Variants in DNHD1 observed in about 807,000 individuals in gnomAD.
DNHD1 encodes dynein heavy chain domain-containing protein 1.
DNHD1 carries 383 observed loss-of-function variants against 458.1 expected under a neutral mutation model. The observed-to-expected ratio is 0.84, with a 90% CI of 0.77 to 0.91. The LOEUF is 0.91. Among genes scored for constraint, DNHD1 ranks in the 40% least tolerant of loss-of-function variants. The pLI is 0.00. For synonymous variants in DNHD1, 2,203 were observed against 2,376.9 expected, an observed-to-expected ratio of 0.93 and a Z score of 2.13; for missense variants, 5,336 against 5,866.1, an observed-to-expected ratio of 0.91 and a Z score of 2.95.
Position 6,498,308 on chromosome 11 carries a change from C to G in DNHD1, c.93C>G (p.Ser31Arg). 1 of 1,614,220 alleles carries G rather than the reference C, an allele frequency of 6.2e-7. No homozygotes were observed. Among genetic ancestry groups the G allele is most frequent in the Non-Finnish European group, 8.5e-7 (1 of 1,180,040 alleles). ...GGCACTCCATATGTGTCTTGGACAG[C>G]AAAGAACAGCCCTTGGCCTGCCAGC... Reference protein sequence around the residue: ...KSWHSICVLDSKEQPLACQQK... With the variant: ...KSWHSICVLDRKEQPLACQQK... The change falls in exon 3 of 43, where the codon AGC (serine) becomes AGG (arginine). Residue 31 changes from serine to arginine, a missense_variant. Physicochemically the swap from Ser to Arg is moderately radical, Grantham distance 110 (BLOSUM62 -1). This residue lies in a region of DNHD1 where 3,932 missense variants were observed against 4,365.6 expected (regional missense o/e 0.90). Transcript: ENST00000254579.
In DNHD1 at chr11:6,544,147, C is replaced by T; in HGVS notation, c.3655C>T (p.Gln1219Ter). Residue 1219 changes from glutamine to a stop codon, truncating the protein, a stop_gained, in exon 19 of 43, where the codon CAG becomes TAG. Transcript: ENST00000254579. LOFTEE classifies it high-confidence loss of function. Reference sequence around the variant, plus strand: ...TTACAGCAACCTGCAGGATTCCATCCAGGAAAGTCTTCAGGTGTTGTCCAA... The same window carrying T: ...TTACAGCAACCTGCAGGATTCCATCTAGGAAAGTCTTCAGGTGTTGTCCAA... ...SDYSNLQDSI[Q>*]ESLQVLSKIL... 2 of 1,551,554 alleles carry T rather than the reference C, an allele frequency of 1.3e-6. No homozygotes were observed. The highest frequency in any genetic ancestry group is 1.7e-6 in the Non-Finnish European group (2 of 1,146,944).
rs1564826969 is a variant in DNHD1, at chr11:6,571,980, G to A, written c.14256G>A (p.Leu4752=). 1.3e-6 allele frequency: 2 copies of A among 1,598,860 alleles called. No homozygotes were observed. The highest frequency in any genetic ancestry group is 1.7e-6 in the Non-Finnish European group (2 of 1,169,350). Residue 4752 remains leucine, a synonymous_variant, in exon 43 of 43, where the codon CTG becomes CTA. Coordinates refer to ENST00000254579, the MANE Select transcript of DNHD1 (RefSeq NM_144666.3). This position sits in a 1 kb window ranked among gnomAD's most constrained non-coding sequence, Gnocchi z 5.0. ...GGGTCCATGTGTGCAGCCCACCCCT[G>A]TCTTGAGCCCGTCTACCAAAATAAA... ...QRRVHVCSPP[L]S
At chr11:6,540,665 T>C (rs1476923987) in intron 18 of DNHD1, among the ~76,000 whole-genome samples, 2 of 152,190 alleles carry the variant, frequency 1.3e-5, no homozygotes, top group Non-Finnish European at 2.9e-5. Context: ...GAAGTCTTCT[T>C]TAGGCAGAGG....
intron 7 of DNHD1, among the ~76,000 whole-genome samples, 176 bp downstream of exon 7, chr11:6,511,605 A>G (rs1274933219): frequency 6.6e-6 from 1 of 152,230 alleles, no homozygotes; most frequent in Non-Finnish European, 1.5e-5. Flanking sequence ...GGATGAATCA[A>G]TAACAGGTGT....
intron 32 of DNHD1, 136 bp downstream of exon 32, chr11:6,564,940 T>C: frequency 1.4e-6 from 1 of 732,454 alleles, no homozygotes; most frequent in Non-Finnish European, 2.2e-6. Context: ...CAGCCTATAC[T>C]ATAGGAACAA....
At chr11:6,556,621 A>C in intron 24 of DNHD1, 62 bp from the exon 25 acceptor site, 1 of 1,428,828 alleles carries the variant, frequency 7.0e-7, no homozygotes, top group Non-Finnish European at 9.4e-7. Context: ...AATAGAGGGA[A>C]CAGGTTGATA....
intron 10 of DNHD1, among the ~76,000 whole-genome samples, chr11:6,524,642 C>A (rs1233279940): frequency 6.6e-6 from 1 of 152,138 alleles, no homozygotes; most frequent in Non-Finnish European, 1.5e-5. Flanking sequence ...TGTCATGGTG[C>A]AAAATAACTG....
Position 6,571,444 on chromosome 11 carries a change from G to A in DNHD1, c.13911+21G>A, listed in dbSNP as rs371077126. 1.3e-6 allele frequency: 2 copies of A among 1,553,016 alleles called. No individual in the cohort carries two copies. The highest frequency in any genetic ancestry group is 1.2e-5 in the South Asian group (1 of 82,674). The stretch of plus-strand genomic sequence containing the variant: ...TCAGGGTATCTTCGCGCCGCCCCTC[G>A]TTCGCGGTTCCAGTCCCCTCGAAGT... On this transcript the variant is annotated intron_variant, in intron 42 of 42. Coordinates refer to ENST00000254579, the MANE Select transcript of DNHD1 (RefSeq NM_144666.3). The surrounding 1 kb of genome is among the most constrained non-coding windows in gnomAD (Gnocchi z 5.0).
Position 6,547,359 on chromosome 11 carries a change from C to A in DNHD1, c.6420C>A (p.Gly2140=). 1 of 1,551,744 alleles carries A rather than the reference C, an allele frequency of 6.4e-7. No individual in the cohort carries two copies. Among genetic ancestry groups the A allele is most frequent in the Non-Finnish European group, 8.7e-7 (1 of 1,146,996 alleles). The change falls in exon 21 of 43, where the codon GGC becomes GGA. Residue 2140 remains glycine (G), a synonymous_variant. Transcript: ENST00000254579. ...CAGGCATATCCCCCACAGTGGTAGG[C>A]TGTTGTGCCCTAGTCTGGTGTGGTG... ...DTTGISPTVV[G]CCALVWCGGE... is the part of the protein sequence containing the mutation.
rs1240525580 is a variant in DNHD1, at chr11:6,548,239, G to C, written c.6935G>C (p.Arg2312Thr). ...TGGCCCATCTTTGATACCTTCATAA[G>C]GGATTCTATTAGTCGCCTCTCCAAC... ...RFWPIFDTFI[R>T]DSISRLSNYP... Residue 2312 changes from arginine to threonine, a missense_variant, in exon 23 of 43, where the codon AGG (arginine) becomes ACG (threonine). By Grantham distance (71) the Arg-to-Thr change is moderately conservative. This residue lies in a region of DNHD1 where 3,932 missense variants were observed against 4,365.6 expected (regional missense o/e 0.90). Coordinates refer to ENST00000254579, the MANE Select transcript of DNHD1 (RefSeq NM_144666.3). The surrounding 1 kb of genome is among the most constrained non-coding windows in gnomAD (Gnocchi z 4.4). The C allele has an allele frequency of 1.9e-6, 3 of 1,551,712 alleles. No individual in the cohort carries two copies. The Admixed American group carries it at 5.9e-5, about 30-fold the overall frequency.
At chr11:6,517,652 C>CTTTTTTTTTTTTTTTTTT (rs59300977) in intron 7 of DNHD1, among the ~76,000 whole-genome samples, 2 of 59,050 alleles carry the variant, frequency 3.4e-5, no homozygotes, top group African/African-American at 1.1e-4. Flanking sequence ...TCTAGGACTT[C>CTTTTTTTTTTTTTTTTTT]TTTTTTTTTT....
In DNHD1 at chr11:6,556,964, C is replaced by T. The variant is rs901692242; in HGVS notation, c.7669C>T (p.Arg2557Cys). 45 of 1,551,572 alleles carry T rather than the reference C, an allele frequency of 2.9e-5. No homozygotes were observed. Among genetic ancestry groups the T allele is most frequent in the African/African-American group, 1.1e-4 (8 of 73,048 alleles). The part of the protein sequence containing the change: ...LERFPSVERE[R>C]ALARGLVRAS... ...GCGTTTCCCTTCTGTGGAACGGGAG[C>T]GTGCTCTGGCACGAGGTCTGGTTAG... is the stretch of plus-strand genomic sequence containing the variant. Residue 2557 changes from arginine (R) to cysteine (C), a missense_variant, in exon 25 of 43, where the codon CGT becomes TGT. By Grantham distance (180) the Arg-to-Cys change is radical. This residue lies in a region of DNHD1 where 3,932 missense variants were observed against 4,365.6 expected (regional missense o/e 0.90). Transcript: ENST00000254579.
At chr11:6,561,621 A>G (rs1297778164) in intron 28 of DNHD1, among the ~76,000 whole-genome samples, 2 of 152,318 alleles carry the variant, frequency 1.3e-5, no homozygotes, top group Middle Eastern at 6.8e-3. Flanking sequence ...CTTTCTAGAG[A>G]AAGCAGAGTG....
chr11:6,519,892 G>A, intron 8 of DNHD1, 38 bp downstream of exon 8: 1 of 1,612,944 alleles, frequency 6.2e-7, no homozygotes, highest in Non-Finnish European at 8.5e-7. Context: ...GTGGCAGGCA[G>A]TCCAGGGCCA....
chr11:6,551,672 G>A (rs959005064), intron 24 of DNHD1, among the ~76,000 whole-genome samples: 15 of 152,318 alleles, frequency 9.8e-5, no homozygotes, highest in Middle Eastern at 3.4e-3. Context: ...GCCGGGCACT[G>A]TGGCTCACGC....
intron 4 of DNHD1, among the ~76,000 whole-genome samples, chr11:6,507,990 A>C (rs1852261295): frequency 6.6e-6 from 1 of 152,190 alleles, no homozygotes; most frequent in African/African-American, 2.4e-5. Flanking sequence ...GAGAGATGAG[A>C]GATAGAGGAG....
chr11:6,533,572 A>C (rs779211085), intron 13 of DNHD1, 109 bp from the exon 14 acceptor site: 78 of 1,364,046 alleles, frequency 5.7e-5, no homozygotes, highest in Non-Finnish European at 7.1e-5. Context: ...ACAAGGCTGC[A>C]ACTGGGTCTG....
rs1852216236 is a variant in DNHD1 at position 6,505,625 on chromosome 11, T to C, written c.920+2699T>C. On this transcript the variant is annotated intron_variant, in intron 4 of 42. Coordinates refer to ENST00000254579, the MANE Select transcript of DNHD1 (RefSeq NM_144666.3). The surrounding 1 kb of genome is among the most constrained non-coding windows in gnomAD (Gnocchi z 4.4). Reference sequence around the variant, plus strand: ...GAAATGCCTAGTATGGTTTCTGTTTTACTGACTGGACCCTGACTAACACGG... The same window carrying C: ...GAAATGCCTAGTATGGTTTCTGTTTCACTGACTGGACCCTGACTAACACGG... Among the ~76,000 whole-genome samples the C allele has an allele frequency of 6.6e-6, 1 of 152,224 alleles. No homozygotes were observed. The highest frequency in any genetic ancestry group is 1.5e-5 in the Non-Finnish European group (1 of 68,034).
At position 6,498,570 on chromosome 11, in the gene DNHD1, C is replaced by T. The variant is rs1484106133; in HGVS notation, c.355C>T (p.Gln119Ter). 1 of 1,614,104 alleles carries T rather than the reference C, an allele frequency of 6.2e-7. No homozygotes were observed. Among genetic ancestry groups the T allele is most frequent in the South Asian group, 1.1e-5 (1 of 91,076 alleles). ...GCTGTACTGCTGGGCACCCTGGGTCCAAACCCACCTCCATCTGGACCTGCT... is the reference window on the plus strand; with the variant it reads ...GCTGTACTGCTGGGCACCCTGGGTCTAAACCCACCTCCATCTGGACCTGCT... ...EQLYCWAPWVQTHLHLDLLGA... is the reference protein window; with the variant it reads ...EQLYCWAPWV The change falls in exon 3 of 43, where the codon CAA (glutamine) becomes TAA (stop). Residue 119 changes from glutamine (Q) to a stop codon, truncating the protein, a stop_gained. Coordinates refer to ENST00000254579, the MANE Select transcript of DNHD1 (RefSeq NM_144666.3). LOFTEE classifies it high-confidence loss of function.
Sources: allele counts gnomAD v4.1 joint callset (sites outside exome capture counted in the v4.1 genomes callset), GRCh38; gene constraint gnomAD v4.1.1; regional missense constraint gnomAD v4.1.1; non-coding constraint Gnocchi (gnomAD v3.1); transcripts MANE v1.5; gene names NCBI Gene and HGNC (gene_info 2026-07-23, HGNC 2026-07-21).